WWOX: variants seen among roughly 807,000 people sequenced by gnomAD.
WWOX encodes WW domain-containing oxidoreductase.
Under a neutral mutation model 46.2 loss-of-function variants are expected in WWOX, and 69 were observed. The observed-to-expected ratio is 1.49, with a 90% CI of 1.23 to 1.82. The LOEUF (loss-of-function observed/expected upper bound fraction) is 1.82. WWOX is among the 40% of genes most tolerant of loss of function. The probability of loss-of-function intolerance (pLI) is 0.00; values close to 1 mark genes in which losing one functional copy is unlikely to be tolerated. For synonymous variants in WWOX, 359 were observed against 202.6 expected (o/e 1.77, Z -6.56); for missense variants, 919 against 542.6 (o/e 1.69, Z -6.89).
chr16:78,796,965 A>T (rs55853618), intron 8 of WWOX, among the ~76,000 whole-genome samples: 2,760 of 151,980 alleles, frequency 0.018, 42 homozygotes, highest in Middle Eastern at 0.034. Context: ...AGCTGGGATT[A>T]TAGGCATGAG....
intron 8 of WWOX, among the ~76,000 whole-genome samples, chr16:78,646,931 T>C (rs578002067): frequency 6.6e-6 from 1 of 152,148 alleles, no homozygotes; most frequent in African/African-American, 2.4e-5. Flanking sequence ...CGAGGTGGGT[T>C]GGAGGGGGGA....
chr16:78,633,740 C>G (rs1039595340), intron 8 of WWOX, among the ~76,000 whole-genome samples: 2 of 152,198 alleles, frequency 1.3e-5, no homozygotes, highest in Admixed American at 6.5e-5. Flanking sequence ...GCTTTCTTCT[C>G]CGACTTATGT....
At chr16:79,052,635 C>T (rs1006717459) in intron 8 of WWOX, among the ~76,000 whole-genome samples, 2 of 152,266 alleles carry the variant, frequency 1.3e-5, no homozygotes, top group Middle Eastern at 3.4e-3. Context: ...AATGTGAGGT[C>T]CCTTTCCAGC....
intron 8 of WWOX, among the ~76,000 whole-genome samples, chr16:78,857,030 A>G (rs1250411687): frequency 6.6e-6 from 1 of 152,224 alleles, no homozygotes; most frequent in East Asian, 1.9e-4. Flanking sequence ...ATACAAACAT[A>G]GAAAAGGTAC....
intron 8 of WWOX, among the ~76,000 whole-genome samples, chr16:78,740,451 A>C (rs2049191867): frequency 6.6e-6 from 1 of 152,086 alleles, no homozygotes; most frequent in Non-Finnish European, 1.5e-5. Context: ...CTGGCTGCGG[A>C]AGGGAGGGAA....
intron 8 of WWOX, chr16:79,203,964 C>T (rs781517048): frequency 3.3e-5 from 5 of 152,152 alleles, no homozygotes; most frequent in Non-Finnish European, 7.4e-5. Context: ...ATCTTATAAA[C>T]ACCCAGCAGT....
chr16:78,317,322 A>G (rs1478692932), intron 5 of WWOX, among the ~76,000 whole-genome samples: 2 of 152,144 alleles, frequency 1.3e-5, no homozygotes, highest in East Asian at 1.9e-4. Context: ...TCTCACTCAC[A>G]TTTTAGGTAA....
intron 8 of WWOX, among the ~76,000 whole-genome samples, chr16:78,851,410 G>A (rs551747009): frequency 3.3e-4 from 51 of 152,354 alleles, no homozygotes; most frequent in African/African-American, 1.0e-3. Flanking sequence ...TACGGGTACT[G>A]AGCCAAGTGA....
chr16:78,254,931 A>C (rs1203525328), intron 5 of WWOX, among the ~76,000 whole-genome samples: 1 of 152,120 alleles, frequency 6.6e-6, no homozygotes, highest in Non-Finnish European at 1.5e-5. Context: ...AGAGGCTGGG[A>C]GCACATCTTG....
chr16:78,324,110 G>C (rs1369428747), intron 5 of WWOX, among the ~76,000 whole-genome samples: 1 of 151,984 alleles, frequency 6.6e-6, no homozygotes, highest in Non-Finnish European at 1.5e-5. Flanking sequence ...GGCAAGGATG[G>C]GATTTGAACG....
intron 8 of WWOX, among the ~76,000 whole-genome samples, chr16:78,703,187 C>A (rs2048260876): frequency 6.6e-6 from 1 of 151,430 alleles, no homozygotes. Context: ...CTTCTCTTCT[C>A]CGCTCCTTCC....
intron 8 of WWOX, among the ~76,000 whole-genome samples, chr16:79,188,221 C>T (rs901249047): frequency 3.3e-5 from 5 of 152,158 alleles, no homozygotes; most frequent in Non-Finnish European, 2.9e-5. Context: ...AGTGGTGCTG[C>T]ATGGGATAAA....
chr16:78,665,169 A>G (rs889315696), intron 8 of WWOX, among the ~76,000 whole-genome samples: 2 of 152,122 alleles, frequency 1.3e-5, no homozygotes, highest in African/African-American at 4.8e-5. Context: ...TTCCTGGAGT[A>G]GGGAGCTGTG....
At chr16:78,843,723 A>T (rs1323859714) in intron 8 of WWOX, among the ~76,000 whole-genome samples, 1 of 152,234 alleles carries the variant, frequency 6.6e-6, no homozygotes, top group South Asian at 2.1e-4. Context: ...GTAAGTCCAC[A>T]AAACAAAGAC....
intron 8 of WWOX, among the ~76,000 whole-genome samples, chr16:78,761,299 CT>C (rs1287623775): frequency 6.6e-6 from 1 of 152,180 alleles, no homozygotes; most frequent in East Asian, 1.9e-4. Context: ...ATCTGCTTGT[CT>C]TTATCAATCT....
chr16:78,550,185 A>G lies in WWOX; in HGVS notation c.1056+117433A>G, dbSNP rs920926095. ...ATAATTCCTTACTATTGTCATTAAA[A>G]GTTCTCACTGGATCATTCCATTTAT... On this transcript the variant is annotated intron_variant, in intron 8 of 8. Coordinates refer to ENST00000566780, the MANE Select transcript of WWOX (RefSeq NM_016373.4). 1.2e-4 allele frequency among the ~76,000 whole-genome samples: 19 copies of G among 152,232 alleles called. 1 individual carries two copies. The highest frequency in any genetic ancestry group is 1.1e-3 in the Admixed American group (17 of 15,286).
chr16:78,335,501 C>A (rs1309740329), intron 5 of WWOX, among the ~76,000 whole-genome samples: 1 of 152,100 alleles, frequency 6.6e-6, no homozygotes, highest in Non-Finnish European at 1.5e-5. Context: ...TATATATGTA[C>A]CATATTTTCT....
At chr16:79,207,020 C>G (rs1023633790) in intron 8 of WWOX, among the ~76,000 whole-genome samples, 1 of 152,148 alleles carries the variant, frequency 6.6e-6, no homozygotes, top group East Asian at 1.9e-4. Context: ...ACCGAGGTAT[C>G]TGGAGATGAC....
chr16:79,186,426 C>G (rs1013847203), intron 8 of WWOX, among the ~76,000 whole-genome samples: 4 of 152,162 alleles, frequency 2.6e-5, no homozygotes, highest in Non-Finnish European at 5.9e-5. Context: ...CTGCAACTAT[C>G]TGACCTCTGC....
Sources: gnomAD v4.1 joint callset for allele counts (sites outside exome capture counted in the v4.1 genomes callset) on GRCh38, gnomAD v4.1.1 for gene constraint, MANE v1.5 for transcripts, NCBI Gene and HGNC (gene_info 2026-07-23, HGNC 2026-07-21) for gene names.